Variants in TXNDC12 observed in about 807,000 individuals in gnomAD.
TXNDC12 encodes the protein thioredoxin domain-containing protein 12.
In TXNDC12, 22 loss-of-function variants were observed where a neutral mutation model predicts 24.2. That is an observed-to-expected ratio of 0.91 (90% CI 0.65 to 1.30). TXNDC12 has a LOEUF of 1.30. Among genes scored for constraint, TXNDC12 ranks in the 50% most tolerant of loss-of-function variants. TXNDC12 has a pLI of 0.00. For synonymous variants in TXNDC12, 58 were observed against 73.4 expected (o/e 0.79, Z 1.07); for missense variants, 184 against 205.8 (o/e 0.89, Z 0.65).
intron 5 of TXNDC12, among the ~76,000 whole-genome samples, chr1:52,023,996 T>C (rs1424958643): frequency 1.3e-5 from 2 of 151,948 alleles, no homozygotes; most frequent in Non-Finnish European, 2.9e-5. Flanking sequence ...AACTCTTTTT[T>C]TTTTTTTTGA....
chr1:52,033,603 G>A (rs907417601), intron 2 of TXNDC12: 10 of 1,613,138 alleles, frequency 6.2e-6, no homozygotes, highest in African/African-American at 2.7e-5. Context: ...CCTTCTCACG[G>A]GCAGAATCGC....
At chr1:52,032,570 G>A in intron 2 of TXNDC12, 1 of 1,418,046 alleles carries the variant, frequency 7.1e-7, no homozygotes, top group Non-Finnish European at 9.2e-7. Flanking sequence ...AAGTTTGAGT[G>A]AATCAGTCAC....
intron 2 of TXNDC12, chr1:52,032,781 C>G: frequency 6.2e-7 from 1 of 1,614,114 alleles, no homozygotes; most frequent in South Asian, 1.1e-5. Context: ...TTTTAGTGTA[C>G]GAAATAAACT....
chr1:52,056,036 C>T (rs1686337529), upstream of TXNDC12: 2 of 152,184 alleles, frequency 1.3e-5, no homozygotes, highest in Admixed American at 6.5e-5. Flanking sequence ...AACAAAAGTA[C>T]ACACCCAAAT....
intron 2 of TXNDC12, chr1:52,033,743 A>G (rs772776637): frequency 2.5e-6 from 4 of 1,603,512 alleles, no homozygotes; most frequent in Non-Finnish European, 3.4e-6. Context: ...GGCAGCCCGC[A>G]AAACACCACG....
chr1:52,033,399 G>A, intron 2 of TXNDC12: 3 of 1,452,602 alleles, frequency 2.1e-6, no homozygotes, highest in Non-Finnish European at 2.8e-6. Context: ...TCTCGTTCGC[G>A]CCCGCCACCT....
intron 2 of TXNDC12, among the ~76,000 whole-genome samples, chr1:52,031,497 T>C (rs528576868): frequency 5.6e-4 from 85 of 150,760 alleles, no homozygotes; most frequent in African/African-American, 1.7e-3. Context: ...CACATATCTC[T>C]TTTTGTTTGT....
At chr1:52,043,511 T>G (rs555786404) in intron 1 of TXNDC12, among the ~76,000 whole-genome samples, 35 of 152,364 alleles carry the variant, frequency 2.3e-4, no homozygotes, top group African/African-American at 8.2e-4. Context: ...TCATTTAAAT[T>G]TGGCCTTATT....
At chr1:52,046,931 T>C (rs1209338626) in intron 1 of TXNDC12, among the ~76,000 whole-genome samples, 2 of 150,192 alleles carry the variant, frequency 1.3e-5, no homozygotes, top group South Asian at 2.1e-4. Context: ...TAATTCCAGC[T>C]ACTCAGGAAG....
chr1:52,031,956 CATAAT>C (rs1245003876), intron 2 of TXNDC12: 1 of 190,028 alleles, frequency 5.3e-6, no homozygotes, highest in Non-Finnish European at 9.7e-6. Context: ...CGGAAATTGT[CATAAT>C]ATAATTACTG....
intron 6 of TXNDC12, chr1:52,023,223 T>C: frequency 2.9e-6 from 1 of 340,450 alleles, no homozygotes; most frequent in Non-Finnish European, 5.4e-6. Context: ...GCTCTGCTAC[T>C]TAACTATGAA....
chr1:52,053,578 C>A (rs757006737), intron 1 of TXNDC12, among the ~76,000 whole-genome samples: 3 of 152,078 alleles, frequency 2.0e-5, no homozygotes, highest in Admixed American at 2.0e-4. Flanking sequence ...GCAGGAGAAT[C>A]GCTTGAACCC....
chr1:52,048,608 T>A (rs1686141984), intron 1 of TXNDC12, among the ~76,000 whole-genome samples: 1 of 152,178 alleles, frequency 6.6e-6, no homozygotes, highest in Non-Finnish European at 1.5e-5. Context: ...GGCTCATGCC[T>A]GTAATCCCAT....
chr1:52,044,209 C>A (rs1396622351), intron 1 of TXNDC12: 1 of 152,172 alleles, frequency 6.6e-6, no homozygotes, highest in Non-Finnish European at 1.5e-5. Flanking sequence ...TCACTAGACT[C>A]AGTAATGACA....
chr1:52,046,894 T>TATA (rs1686106030), intron 1 of TXNDC12, among the ~76,000 whole-genome samples: 1 of 144,902 alleles, frequency 6.9e-6, no homozygotes, highest in South Asian at 2.2e-4. Flanking sequence ...TATATATATA[T>TATA]TAGCCGGGTA....
intron 1 of TXNDC12, among the ~76,000 whole-genome samples, chr1:52,050,543 G>A (rs1425458957): frequency 6.6e-6 from 1 of 152,124 alleles, no homozygotes; most frequent in Non-Finnish European, 1.5e-5. Context: ...CATCTGAAAA[G>A]TATTATCCAC....
intron 1 of TXNDC12, among the ~76,000 whole-genome samples, chr1:52,047,198 A>G (rs1044464750): frequency 2.0e-5 from 3 of 152,214 alleles, no homozygotes; most frequent in African/African-American, 7.2e-5. Context: ...GCACTCAAGT[A>G]GAGGGATTAG....
chr1:52,049,029 C>T (rs1325404204), intron 1 of TXNDC12, among the ~76,000 whole-genome samples: 3 of 152,166 alleles, frequency 2.0e-5, no homozygotes, highest in South Asian at 2.1e-4. Context: ...AGTCACTAGC[C>T]ACATGTGGCT....
At chr1:52,032,559 A>C in intron 2 of TXNDC12, 1 of 1,409,044 alleles carries the variant, frequency 7.1e-7, no homozygotes, top group Non-Finnish European at 9.2e-7. Flanking sequence ...GGTATGCAGG[A>C]AAGTTTGAGT....
Sources: allele counts gnomAD v4.1 joint callset (sites outside exome capture counted in the v4.1 genomes callset), GRCh38; gene constraint gnomAD v4.1.1; transcripts MANE v1.5; gene names NCBI Gene and HGNC (gene_info 2026-07-23, HGNC 2026-07-21).